CELF2: variants seen among roughly 807,000 people sequenced by gnomAD.
CELF2 encodes CUGBP Elav-like family member 2, also known as CUG triplet repeat RNA-binding protein 2.
In CELF2, 8 loss-of-function variants were observed where a neutral mutation model predicts 62.6. That is an observed-to-expected ratio of 0.13 (90% CI 0.07 to 0.23). The LOEUF (loss-of-function observed/expected upper bound fraction) is 0.23, where lower values mean the gene tolerates loss of function less well. Ranked by LOEUF, CELF2 falls within the 10% of genes least tolerant of loss-of-function variation. The pLI is 1.00. For synonymous variants in CELF2, 258 were observed against 250.0 expected (o/e 1.03, Z -0.30); for missense variants, 333 against 671.0 (o/e 0.50, Z 5.56).
chr10:10,547,673 T>TAGAGAGAGAGAG, the CELF2 span, among the ~76,000 whole-genome samples: 501 of 135,262 alleles, frequency 3.7e-3, 5 homozygotes, highest in African/African-American at 0.013. Context: ...ACCAAAAAGA[T>TAGAGAGAGAGAG]AGAGAGAGAG....
the CELF2 span, among the ~76,000 whole-genome samples, chr10:10,719,109 G>C: frequency 6.7e-6 from 1 of 150,154 alleles, no homozygotes; most frequent in Non-Finnish European, 1.5e-5. Context: ...CTACAGGCAT[G>C]TACCAAGCCC....
intron 1 of CELF2, among the ~76,000 whole-genome samples, chr10:10,878,717 T>G (rs1259091222): frequency 6.6e-6 from 1 of 152,168 alleles, no homozygotes; most frequent in African/African-American, 2.4e-5. Context: ...GGAAAGAGTG[T>G]TTGTTTCCAA....
chr10:11,062,565 A>C (rs2067042029), intron 1 of CELF2, among the ~76,000 whole-genome samples: 1 of 152,210 alleles, frequency 6.6e-6, no homozygotes, highest in African/African-American at 2.4e-5. Flanking sequence ...TGTATGGTGG[A>C]GATAGCAAAG....
intron 1 of CELF2, among the ~76,000 whole-genome samples, chr10:11,123,773 A>G (rs1285574827): frequency 6.6e-6 from 1 of 151,388 alleles, no homozygotes; most frequent in East Asian, 1.9e-4. Context: ...TCCTTCTAAG[A>G]TGAAAAACAA....
chr10:10,594,190 G>T, the CELF2 span, among the ~76,000 whole-genome samples: 1 of 152,180 alleles, frequency 6.6e-6, no homozygotes, highest in Non-Finnish European at 1.5e-5. Flanking sequence ...CTGATTGTAC[G>T]TGGAACTAAG....
At position 10,965,983 on chromosome 10, in the gene CELF2, C is replaced by A. The variant is rs565033154; in HGVS notation, c.89+45984C>A. 3.3e-5 allele frequency among the ~76,000 whole-genome samples: 5 copies of A among 152,294 alleles called. No individual in the cohort carries two copies. In the South Asian group the frequency reaches 8.3e-4, roughly 25 times the overall value. ...TGACAAGCAATGGTCACAAGTGTCT[C>A]CCTAACACAAAATATTTCTAATATT... On this transcript the variant is annotated intron_variant, in intron 2 of 13. Coordinates refer to the CELF2 transcript ENST00000636488.
At chr10:10,684,293 A>G in the CELF2 span, among the ~76,000 whole-genome samples, 2 of 152,162 alleles carry the variant, frequency 1.3e-5, no homozygotes, top group Non-Finnish European at 2.9e-5. Context: ...CAATTATCTA[A>G]TTGTAGTCAG....
chr10:11,128,815 G>A (rs533061700), intron 1 of CELF2, among the ~76,000 whole-genome samples: 17 of 152,108 alleles, frequency 1.1e-4, no homozygotes, highest in Middle Eastern at 3.4e-3. Context: ...CAATCATGTC[G>A]TCTGCAAACA....
At chr10:10,991,199 G>T (rs2053399859) in intron 2 of CELF2, among the ~76,000 whole-genome samples, 3 of 152,094 alleles carry the variant, frequency 2.0e-5, no homozygotes, top group African/African-American at 7.2e-5. Context: ...AATCCTTGTG[G>T]GTATTTGTGG....
chr10:10,486,493 A>G, the CELF2 span, among the ~76,000 whole-genome samples: 31 of 152,204 alleles, frequency 2.0e-4, no homozygotes, highest in Non-Finnish European at 3.1e-4. Flanking sequence ...ACTATTCATT[A>G]TACAGCAGGT....
chr10:10,640,370 C>A, the CELF2 span, among the ~76,000 whole-genome samples: 1 of 152,164 alleles, frequency 6.6e-6, no homozygotes, highest in East Asian at 1.9e-4. Context: ...TTCCCCCAAG[C>A]ACTACTCCCT....
At chr10:11,005,166 A>T, upstream of CELF2, 1 of 984,424 alleles carries the variant, frequency 1.0e-6, no homozygotes, top group Non-Finnish European at 1.2e-6. This position sits in a 1 kb window ranked among gnomAD's most constrained non-coding sequence, Gnocchi z 4.3. Flanking sequence ...GTCAGAGAGG[A>T]TTATTTCTAC....
intron 1 of CELF2, among the ~76,000 whole-genome samples, chr10:10,864,723 A>G (rs550561082): frequency 4.1e-4 from 62 of 152,298 alleles, no homozygotes; most frequent in Middle Eastern, 3.4e-3. Flanking sequence ...ATCTCCAAAT[A>G]TAATTGTCTT....
chr10:11,276,010 T>G (rs903664753), intron 8 of CELF2, among the ~76,000 whole-genome samples: 5 of 152,226 alleles, frequency 3.3e-5, no homozygotes, highest in African/African-American at 1.2e-4. Context: ...TTTGTGTTAA[T>G]CAAGGACACC....
At chr10:10,505,377 A>T in the CELF2 span, among the ~76,000 whole-genome samples, 1 of 152,052 alleles carries the variant, frequency 6.6e-6, no homozygotes, top group East Asian at 1.9e-4. Flanking sequence ...CACCATGGTG[A>T]GGGTGACTTT....
chr10:10,621,429 T>C, the CELF2 span, among the ~76,000 whole-genome samples: 1 of 152,090 alleles, frequency 6.6e-6, no homozygotes, highest in East Asian at 1.9e-4. Context: ...GAGTTTTACA[T>C]CCAGAACAAA....
chr10:10,655,969 C>T, the CELF2 span, among the ~76,000 whole-genome samples: 1 of 143,218 alleles, frequency 7.0e-6, no homozygotes, highest in South Asian at 2.7e-4. Context: ...TCGCAACCTA[C>T]TCATCTGACA....
chr10:11,134,307 G>A (rs1050208837), intron 1 of CELF2, among the ~76,000 whole-genome samples: 3 of 152,224 alleles, frequency 2.0e-5, no homozygotes, highest in Non-Finnish European at 4.4e-5. Context: ...TACTACTTAG[G>A]TGAGTTTGGA....
Position 11,208,954 on chromosome 10 carries a change from C to T in CELF2, c.272-8471C>T, listed in dbSNP as rs74845051. On this transcript the variant is annotated intron_variant, in intron 2 of 12. Transcript: ENST00000633077. The stretch of plus-strand genomic sequence containing the variant: ...AGGCATGGAAGTCATGAGAAGGCAA[C>T]GCTACCTTAACTTCTTCTCATTTTA... 2.2e-3 allele frequency among the ~76,000 whole-genome samples: 340 copies of T among 152,278 alleles called. 5 individuals are homozygous for T. The East Asian group carries it at 0.054, about 24-fold the overall frequency.
Sources: allele counts gnomAD v4.1 joint callset (sites outside exome capture counted in the v4.1 genomes callset), GRCh38; gene constraint gnomAD v4.1.1; non-coding constraint Gnocchi (gnomAD v3.1); transcripts MANE v1.5; gene names NCBI Gene and HGNC (gene_info 2026-07-23, HGNC 2026-07-21).